The following DENND6A variants were observed in gnomAD, a reference collection of about 807,000 sequenced individuals.
DENND6A encodes DENN domain containing 6A, also known as protein DENND6A.
Under a neutral mutation model 95.5 loss-of-function variants are expected in DENND6A, and 43 were observed. The ratio of observed to expected loss-of-function variants is 0.45; its 90% confidence interval spans 0.35 to 0.58. The LOEUF (loss-of-function observed/expected upper bound fraction) is 0.58, where lower values mean the gene tolerates loss of function less well. DENND6A is among the 20% of genes least tolerant of loss of function. DENND6A has a pLI of 0.00. For synonymous variants in DENND6A, 257 were observed against 260.4 expected, an observed-to-expected ratio of 0.99 and a Z score of 0.13; for missense variants, 574 against 736.0, an observed-to-expected ratio of 0.78 and a Z score of 2.55.
rs536543636 is a variant in DENND6A, at chr3:57,658,189, T to C, written c.763-454A>G. Among the ~76,000 whole-genome samples the C allele has an allele frequency of 8.6e-5, 13 of 150,948 alleles. No homozygotes were observed. In the East Asian group the frequency reaches 1.4e-3, roughly 16 times the overall value. ...AGGTGAAGCTTGCAGTGAGCCGAGA[T>C]TGCACCACTGCACTGCAGCCTAGGT... On this transcript the variant is annotated intron_variant, in intron 8 of 19. Transcript: ENST00000311128.
Position 57,661,500 on chromosome 3 carries a change from GCA to G in DENND6A, c.563_564del (p.Val188AlafsTer10), listed in dbSNP as rs761942035. ...AAATACTCTGGTGCTATCTGTTTGAGCACAGTGTGAAAAAAATGAATATAAGG... is the reference window on the plus strand; with the variant it reads ...AAATACTCTGGTGCTATCTGTTTGAGCAGTGTGAAAAAAATGAATATAAGG... The part of the protein sequence containing the change: ...KLPYIHFFHT[V>X]LKQIAPEYFE... On this transcript the variant is annotated frameshift_variant, in exon 6 of 20. Coordinates refer to ENST00000311128, the MANE Select transcript of DENND6A (RefSeq NM_152678.3). LOFTEE classifies it high-confidence loss of function. 2 of 1,583,248 alleles carry G rather than the reference GCA, an allele frequency of 1.3e-6. No homozygotes were observed. The highest frequency in any genetic ancestry group is 2.4e-5 in the South Asian group (2 of 84,038).
At chr3:57,647,274 A>G (rs912950428) in intron 9 of DENND6A, among the ~76,000 whole-genome samples, 3 of 152,196 alleles carry the variant, frequency 2.0e-5, no homozygotes, top group Non-Finnish European at 2.9e-5. Flanking sequence ...CAAAAACAAG[A>G]TAAGTGCCAC....
intron 1 of DENND6A, among the ~76,000 whole-genome samples, chr3:57,676,097 G>A (rs889442900): frequency 5.3e-5 from 8 of 152,110 alleles, no homozygotes; most frequent in Non-Finnish European, 1.0e-4. Context: ...GTCCTTCTTG[G>A]CCAGGTGCCA....
At chr3:57,666,344 TG>T (rs1400436585) in intron 3 of DENND6A, 109 bp from the exon 4 acceptor site, 4 of 879,446 alleles carry the variant, frequency 4.5e-6, no homozygotes, top group Non-Finnish European at 6.8e-6. Context: ...TAACCCATTC[TG>T]TCATGTTTTG....
At chr3:57,663,028 C>T (rs1000090389) in intron 5 of DENND6A, among the ~76,000 whole-genome samples, 1 of 150,810 alleles carries the variant, frequency 6.6e-6, no homozygotes, top group Non-Finnish European at 1.5e-5. Context: ...TGCCTGTAAT[C>T]CCAGCTACTC....
chr3:57,649,254 T>G (rs1189358502), intron 9 of DENND6A, among the ~76,000 whole-genome samples: 2 of 152,108 alleles, frequency 1.3e-5, no homozygotes, highest in African/African-American at 4.8e-5. Context: ...CATTAAAAAA[T>G]GCTTAACATC....
At chr3:57,654,669 A>C in intron 9 of DENND6A, 1 of 985,190 alleles carries the variant, frequency 1.0e-6, no homozygotes, top group Non-Finnish European at 1.2e-6. Flanking sequence ...CAGAATGAGG[A>C]AACTATTTCT....
intron 15 of DENND6A, among the ~76,000 whole-genome samples, chr3:57,631,629 G>A (rs182306048): frequency 8.6e-5 from 13 of 151,986 alleles, no homozygotes; most frequent in South Asian, 2.1e-4. Context: ...TTAGGAAACT[G>A]AGGCTTCTTC....
At chr3:57,686,150 A>C (rs1235676123) in intron 1 of DENND6A, among the ~76,000 whole-genome samples, 1 of 152,204 alleles carries the variant, frequency 6.6e-6, no homozygotes, top group Non-Finnish European at 1.5e-5. Context: ...CCAAGATATA[A>C]ATGTTTAGCC....
chr3:57,672,144 A>G (rs2071628475), intron 3 of DENND6A, 112 bp downstream of exon 3: 2 of 1,028,314 alleles, frequency 1.9e-6, no homozygotes, highest in Non-Finnish European at 2.8e-6. Context: ...AATAAAAATC[A>G]TTGATCTGTT....
At chr3:57,658,781 T>C (rs2071373336) in intron 8 of DENND6A, among the ~76,000 whole-genome samples, 1 of 152,142 alleles carries the variant, frequency 6.6e-6, no homozygotes, top group Non-Finnish European at 1.5e-5. Context: ...ACAGAATCCT[T>C]TTAACTGAGT....
intron 1 of DENND6A, 73 bp downstream of exon 1, chr3:57,692,709 C>CG (rs1476242315): frequency 7.5e-7 from 1 of 1,327,732 alleles, no homozygotes; most frequent in East Asian, 3.1e-5. Flanking sequence ...GGTCAGCCCG[C>CG]GGGCCGCTGG....
Position 57,625,772 on chromosome 3 carries a change from T to C in DENND6A, c.*2442A>G, listed in dbSNP as rs1254333777. 6.6e-6 allele frequency: 1 copy of C among 152,538 alleles called. No homozygotes were observed. The highest frequency in any genetic ancestry group is 1.5e-5 in the Non-Finnish European group (1 of 68,032). The allele number at this position is 152,538 out of a possible 1,614,324, so 9.4% of individuals were successfully genotyped here. ...ATTAAGAGATAAACTAGGTATGATA[T>C]GGTTTTCAACATGTGTTAGGTTTCA... On this transcript the variant is annotated 3_prime_UTR_variant, in exon 20 of 20. Coordinates refer to ENST00000311128, the MANE Select transcript of DENND6A (RefSeq NM_152678.3).
At chr3:57,684,676 G>A (rs140559907) in intron 1 of DENND6A, among the ~76,000 whole-genome samples, 1 of 152,212 alleles carries the variant, frequency 6.6e-6, no homozygotes, top group East Asian at 1.9e-4. Flanking sequence ...CCAGCTACTT[G>A]ACAGGCTGAG....
chr3:57,679,657 TAACATGAGGGTGTACCTTC>T (rs1322280953), intron 1 of DENND6A: 3 of 704,502 alleles, frequency 4.3e-6, no homozygotes, highest in Non-Finnish European at 5.2e-6. Flanking sequence ...TCTGCTTCCA[TAACATGAGGGTGTACCTTC>T]CACATCAATG....
At chr3:57,642,424 G>C (rs2070966168) in intron 11 of DENND6A, among the ~76,000 whole-genome samples, 1 of 151,646 alleles carries the variant, frequency 6.6e-6, no homozygotes, top group African/African-American at 2.4e-5. Flanking sequence ...AGACGTGAAA[G>C]ATGAGTGGGC....
chr3:57,666,836 G>C (rs1430042765), intron 3 of DENND6A, among the ~76,000 whole-genome samples: 2 of 152,026 alleles, frequency 1.3e-5, no homozygotes, highest in African/African-American at 4.8e-5. Flanking sequence ...TCCCCAATTT[G>C]ACCTATGACT....
chr3:57,684,806 G>A (rs114239314), intron 1 of DENND6A, among the ~76,000 whole-genome samples: 351 of 152,192 alleles, frequency 2.3e-3, no homozygotes, highest in Admixed American at 4.4e-3. Flanking sequence ...AATTAGTGAC[G>A]GAAAGGAATA....
At chr3:57,632,494 C>T (rs1192555856) in intron 15 of DENND6A, among the ~76,000 whole-genome samples, 1 of 152,102 alleles carries the variant, frequency 6.6e-6, no homozygotes, top group Non-Finnish European at 1.5e-5. Flanking sequence ...TGCTCATAAG[C>T]ACTACAGTAA....
Sources: allele counts gnomAD v4.1 joint callset (sites outside exome capture counted in the v4.1 genomes callset), GRCh38; gene constraint gnomAD v4.1.1; transcripts MANE v1.5; gene names NCBI Gene and HGNC (gene_info 2026-07-23, HGNC 2026-07-21).